The following FBXL2 variants were observed in gnomAD, a reference collection of about 807,000 sequenced individuals.
The protein encoded by FBXL2 is F-box/LRR-repeat protein 2.
In FBXL2, 38 loss-of-function variants were observed where a neutral mutation model predicts 69.2. That is an observed-to-expected ratio of 0.55 (90% confidence interval 0.42 to 0.72). The LOEUF (loss-of-function observed/expected upper bound fraction) is 0.72. FBXL2 is among the 30% of genes least tolerant of loss of function. The pLI is 0.00. For missense variants in FBXL2, 354 were observed against 520.3 expected, an observed-to-expected ratio of 0.68 and a Z score of 3.11; for synonymous variants, 192 against 201.3, an observed-to-expected ratio of 0.95 and a Z score of 0.39.
chr3:33,332,721 A>G (rs2039266544), intron 2 of FBXL2, among the ~76,000 whole-genome samples: 2 of 152,226 alleles, frequency 1.3e-5, no homozygotes, highest in Admixed American at 6.5e-5. Flanking sequence ...TATGCTACAA[A>G]TCTGTAAAAG....
intron 1 of FBXL2, among the ~76,000 whole-genome samples, chr3:33,290,520 A>G (rs1686021462): frequency 6.6e-6 from 1 of 152,228 alleles, no homozygotes; most frequent in South Asian, 2.1e-4. Flanking sequence ...TTTCAGCAGA[A>G]AGATGTAAAG....
chr3:33,409,403 G>C, the FBXL2 span: 1 of 1,613,744 alleles, frequency 6.2e-7, no homozygotes, highest in Admixed American at 1.7e-5. Flanking sequence ...AGCTTTACAG[G>C]CAAAACTGAG....
At chr3:33,374,294 T>TATTTCATTTTATCCAC (rs1559627633) in intron 9 of FBXL2, among the ~76,000 whole-genome samples, 20 of 152,208 alleles carry the variant, frequency 1.3e-4, no homozygotes, top group Non-Finnish European at 1.5e-5. Context: ...CCTCTCACGT[T>TATTTCATTTTATCCAC]GTTTCAGTGG....
At chr3:33,287,765 C>G (rs1435594994) in intron 1 of FBXL2, among the ~76,000 whole-genome samples, 1 of 152,356 alleles carries the variant, frequency 6.6e-6, no homozygotes, top group East Asian at 1.9e-4. Context: ...AGCCTGGGCT[C>G]TTAACCATTA....
chr3:33,368,398 T>C (rs1377530520), intron 5 of FBXL2, among the ~76,000 whole-genome samples: 1 of 152,246 alleles, frequency 6.6e-6, no homozygotes, highest in Non-Finnish European at 1.5e-5. Context: ...ATATAAACAT[T>C]TAGAATTGCT....
At chr3:33,362,686 T>G (rs1236104132) in intron 4 of FBXL2, among the ~76,000 whole-genome samples, 1 of 152,194 alleles carries the variant, frequency 6.6e-6, no homozygotes, top group Non-Finnish European at 1.5e-5. Flanking sequence ...ATTGTGCACA[T>G]GTACCCTAAA....
intron 1 of FBXL2, among the ~76,000 whole-genome samples, chr3:33,282,352 T>G (rs13097434): frequency 6.6e-6 from 1 of 152,076 alleles, no homozygotes; most frequent in Non-Finnish European, 1.5e-5. Context: ...AGATCAGATG[T>G]TTGTAGATGT....
chr3:33,350,657 A>C (rs111520986), intron 2 of FBXL2, among the ~76,000 whole-genome samples: 2,016 of 152,000 alleles, frequency 0.013, 20 homozygotes, highest in South Asian at 0.026. Context: ...GCTAGTCTCA[A>C]ACTCCTGACC....
chr3:33,332,165 A>G (rs1395431418), intron 2 of FBXL2, among the ~76,000 whole-genome samples: 1 of 152,204 alleles, frequency 6.6e-6, no homozygotes, highest in African/African-American at 2.4e-5. Flanking sequence ...TTAATCTGCA[A>G]GGTGAATAAG....
At chr3:33,321,395 C>T (rs1307035811) in intron 2 of FBXL2, among the ~76,000 whole-genome samples, 1 of 151,600 alleles carries the variant, frequency 6.6e-6, no homozygotes. Context: ...GGAGAGGAAG[C>T]ATAAATGGTG....
intron 13 of FBXL2, among the ~76,000 whole-genome samples, chr3:33,382,004 T>G (rs944816187): frequency 6.6e-6 from 1 of 152,208 alleles, no homozygotes; most frequent in Admixed American, 6.5e-5. Context: ...CCTAGTTACA[T>G]AGCCAGTAGT....
At chr3:33,308,984 G>A (rs2036948749) in intron 2 of FBXL2, among the ~76,000 whole-genome samples, 2 of 152,136 alleles carry the variant, frequency 1.3e-5, no homozygotes, top group African/African-American at 2.4e-5. Context: ...GACTTACTTG[G>A]TGGCCTAACA....
intron 12 of FBXL2, chr3:33,397,007 C>A: frequency 6.4e-7 from 1 of 1,561,542 alleles, no homozygotes; most frequent in Non-Finnish European, 8.8e-7. Context: ...AAGAAAGGTA[C>A]ATTCTTATTT....
At chr3:33,412,186 CAAAAA>C in the FBXL2 span, among the ~76,000 whole-genome samples, 1 of 63,454 alleles carries the variant, frequency 1.6e-5, no homozygotes. Flanking sequence ...AACTCCGTCT[CAAAAA>C]AAAAAAAAAA....
Position 33,359,623 on chromosome 3 carries a change from A to G in FBXL2, c.195+266A>G, listed in dbSNP as rs369711616. Reference sequence around the variant, plus strand: ...CTTTTTAAAGCCACACACCTGCATCATTATCACCTGGTTCAGTGCTTTAAC... The same window carrying G: ...CTTTTTAAAGCCACACACCTGCATCGTTATCACCTGGTTCAGTGCTTTAAC... On this transcript the variant is annotated intron_variant, in intron 4 of 14. Transcript: ENST00000484457. Among the ~76,000 whole-genome samples the G allele has an allele frequency of 3.9e-5, 6 of 152,080 alleles. No individual in the cohort carries two copies. The East Asian group carries it at 5.8e-4, about 15-fold the overall frequency.
chr3:33,381,064 G>A (rs1404677454), intron 13 of FBXL2, among the ~76,000 whole-genome samples: 2 of 152,188 alleles, frequency 1.3e-5, no homozygotes, highest in Non-Finnish European at 1.5e-5. Context: ...TGTGAACCAT[G>A]TTGGCAGCGG....
intron 1 of FBXL2, among the ~76,000 whole-genome samples, chr3:33,278,974 CTTTA>C (rs2033649146): frequency 6.6e-6 from 1 of 152,152 alleles, no homozygotes; most frequent in Non-Finnish European, 1.5e-5. Flanking sequence ...ATCCATTTTC[CTTTA>C]TTTTTACTTC....
At chr3:33,415,429 A>T in the FBXL2 span, among the ~76,000 whole-genome samples, 12 of 152,246 alleles carry the variant, frequency 7.9e-5, no homozygotes, top group South Asian at 2.1e-4. Flanking sequence ...TACACAAAAA[A>T]AGCACAAGGG....
In FBXL2 at chr3:33,300,125, A is replaced by G. The variant is rs116815912; in HGVS notation, c.65+2400A>G. On this transcript the variant is annotated intron_variant, in intron 2 of 14. Transcript: ENST00000484457. ...GGCAGGCCCATGTTGGTCACTAAAC[A>G]TTAGGGTGTGATTAAACTCCACCCT... 8.3e-3 allele frequency among the ~76,000 whole-genome samples: 1,262 copies of G among 152,266 alleles called. 21 individuals carry two copies. Among genetic ancestry groups the G allele is most frequent in the African/African-American group, 0.029 (1,201 of 41,556 alleles).
Sources: gnomAD v4.1 joint callset for allele counts (sites outside exome capture counted in the v4.1 genomes callset) on GRCh38, gnomAD v4.1.1 for gene constraint, MANE v1.5 for transcripts, NCBI Gene and HGNC (gene_info 2026-07-23, HGNC 2026-07-21) for gene names.